FMN2: variants seen among roughly 807,000 people sequenced by gnomAD.
The protein encoded by FMN2 is formin-2.
FMN2 carries 51 observed loss-of-function variants against 142.3 expected under a neutral mutation model. The ratio of observed to expected loss-of-function variants is 0.36; its 90% confidence interval spans 0.29 to 0.45. The LOEUF (loss-of-function observed/expected upper bound fraction) is 0.45, where lower values mean the gene tolerates loss of function less well. FMN2 is among the 20% of genes least tolerant of loss of function. The pLI is 1.00. For missense variants in FMN2, 1,936 were observed against 2,122.8 expected (o/e 0.91, Z 1.73); for synonymous variants, 882 against 869.8 (o/e 1.01, Z -0.25).
rs1664994707 is a variant in FMN2 at position 240,178,023 on chromosome 1, T to C, written c.1885T>C (p.Ser629Pro). 1 of 1,611,614 alleles carries C rather than the reference T, an allele frequency of 6.2e-7. No individual in the cohort carries two copies. Among genetic ancestry groups the C allele is most frequent in the Non-Finnish European group, 8.5e-7 (1 of 1,179,114 alleles). ...PRRVPSMGPP[S>P]KPPDEEHRLE... ...GCGAGTTCCATCCATGGGGCCACCA[T>C]CCAAACCTCCCGATGAGGAACACAG... Residue 629 changes from serine (S) to proline (P), a missense_variant, in exon 3 of 18, where the codon TCC (serine) becomes CCC (proline). By Grantham distance (74) the Ser-to-Pro change is moderately conservative. Transcript: ENST00000319653.
chr1:240,180,495 A>G (rs1261963692), intron 3 of FMN2, among the ~76,000 whole-genome samples: 1 of 150,934 alleles, frequency 6.6e-6, no homozygotes, highest in East Asian at 2.0e-4. Flanking sequence ...ATCTATTTGT[A>G]GTTAACTGAT....
intron 2 of FMN2, among the ~76,000 whole-genome samples, chr1:240,133,475 C>A (rs1662821824): frequency 6.6e-6 from 1 of 152,146 alleles, no homozygotes. Flanking sequence ...CTGGCCATGT[C>A]ATTTTAATTG....
rs1052203806 is a variant in FMN2, at chr1:240,448,171, T to C, written c.5060+9961T>C. On this transcript the variant is annotated intron_variant, in intron 16 of 17. Coordinates refer to ENST00000319653, the MANE Select transcript of FMN2 (RefSeq NM_020066.5). ...AACAGAATTTGGGAGATAAATCTGC[T>C]GGAAAAAGCTATTAAAAAATTGCAC... 4.6e-5 allele frequency among the ~76,000 whole-genome samples: 7 copies of C among 152,258 alleles called. No individual in the cohort carries two copies. In the South Asian group the frequency reaches 8.3e-4, roughly 18 times the overall value.
At chr1:240,361,205 A>T (rs895739445) in intron 14 of FMN2, among the ~76,000 whole-genome samples, 2 of 147,194 alleles carry the variant, frequency 1.4e-5, no homozygotes, top group African/African-American at 4.9e-5. Context: ...AAAGAAGGAA[A>T]AAAACACGAC....
chr1:240,092,491 G>T lies in FMN2; in HGVS notation c.382G>T (p.Ala128Ser). 1.2e-6 allele frequency: 2 copies of T among 1,607,228 alleles called. No individual in the cohort carries two copies. The highest frequency in any genetic ancestry group is 1.3e-5 in the African/African-American group (1 of 74,910). The change falls in exon 1 of 18, where the codon GCC becomes TCC. Residue 128 changes from alanine (A) to serine (S), a missense_variant. By Grantham distance (99) the Ala-to-Ser change is moderately conservative. Coordinates refer to ENST00000319653, the MANE Select transcript of FMN2 (RefSeq NM_020066.5). ...TPDLSLSADE[A>S]GLSDTECADP... ...AGACCTCAGCCTCTCGGCGGACGAG[G>T]CCGGCCTGTCGGATACCGAGTGTGC...
chr1:240,337,629 A>C (rs1183972183), intron 13 of FMN2, among the ~76,000 whole-genome samples: 1 of 152,240 alleles, frequency 6.6e-6, no homozygotes, highest in Non-Finnish European at 1.5e-5. Flanking sequence ...GGCCATTCAT[A>C]ATAAGGTAAA....
At chr1:240,402,453 G>T (rs1674024166) in intron 15 of FMN2, among the ~76,000 whole-genome samples, 1 of 152,238 alleles carries the variant, frequency 6.6e-6, no homozygotes, top group African/African-American at 2.4e-5. Context: ...AAGTAAGGCG[G>T]CTGGGCAGAT....
intron 8 of FMN2, among the ~76,000 whole-genome samples, chr1:240,320,360 T>C (rs777981619): frequency 6.6e-6 from 1 of 152,216 alleles, no homozygotes; most frequent in Non-Finnish European, 1.5e-5. Flanking sequence ...ACTTTGCTCA[T>C]GTATTTGGCC....
chr1:240,432,560 G>A (rs115673232), intron 15 of FMN2, among the ~76,000 whole-genome samples: 87 of 151,758 alleles, frequency 5.7e-4, no homozygotes, highest in African/African-American at 2.0e-3. Context: ...CTCCTTTACA[G>A]TTTCTTGAGT....
At chr1:240,334,853 T>C (rs536495809) in intron 13 of FMN2, among the ~76,000 whole-genome samples, 1 of 152,320 alleles carries the variant, frequency 6.6e-6, no homozygotes, top group South Asian at 2.1e-4. Context: ...TCTTATTGAG[T>C]TGCGAACACC....
At chr1:240,307,193 G>A (rs1316662210) in intron 8 of FMN2, among the ~76,000 whole-genome samples, 1 of 152,010 alleles carries the variant, frequency 6.6e-6, no homozygotes, top group Non-Finnish European at 1.5e-5. Flanking sequence ...CATTCTGTTG[G>A]TTATCTGTTT....
intron 15 of FMN2, among the ~76,000 whole-genome samples, chr1:240,400,129 A>G (rs1469252580): frequency 6.6e-6 from 1 of 152,314 alleles, no homozygotes. Flanking sequence ...TAACAGAGAG[A>G]TCAAGGGAAG....
intron 2 of FMN2, among the ~76,000 whole-genome samples, chr1:240,141,097 C>T (rs552538468): frequency 6.6e-6 from 1 of 152,166 alleles, no homozygotes; most frequent in South Asian, 2.1e-4. Context: ...AGTTAATGGC[C>T]CTGTACATTT....
At chr1:240,464,065 T>G (rs80252359) in intron 16 of FMN2, among the ~76,000 whole-genome samples, 3,489 of 151,868 alleles carry the variant, frequency 0.023, 143 homozygotes, top group African/African-American at 0.08. Flanking sequence ...GTTAGCATGG[T>G]GAAGAGTAAA....
intron 2 of FMN2, among the ~76,000 whole-genome samples, chr1:240,154,999 C>G (rs570493391): frequency 7.9e-5 from 12 of 151,498 alleles, no homozygotes; most frequent in East Asian, 5.9e-4. Flanking sequence ...CAATCCCCCC[C>G]CCGACCTTGA....
At chr1:240,436,819 T>C (rs566104024) in intron 15 of FMN2, among the ~76,000 whole-genome samples, 20 of 152,364 alleles carry the variant, frequency 1.3e-4, no homozygotes, top group African/African-American at 4.8e-4. Context: ...TGTATATATA[T>C]ACTTTTGTCA....
At chr1:240,360,628 A>G (rs1672430111) in intron 14 of FMN2, among the ~76,000 whole-genome samples, 1 of 152,184 alleles carries the variant, frequency 6.6e-6, no homozygotes, top group Non-Finnish European at 1.5e-5. Context: ...GTGACTGTTA[A>G]TACTTGATTA....
At chr1:240,438,992 G>T (rs1200310738) in intron 16 of FMN2, among the ~76,000 whole-genome samples, 1 of 152,082 alleles carries the variant, frequency 6.6e-6, no homozygotes, top group Non-Finnish European at 1.5e-5. Flanking sequence ...CATCCTGTGA[G>T]CCAGGATCAG....
At chr1:240,101,994 G>C (rs1661432682) in intron 1 of FMN2, among the ~76,000 whole-genome samples, 1 of 152,002 alleles carries the variant, frequency 6.6e-6, no homozygotes, top group South Asian at 2.1e-4. Context: ...TGTAGGCTTT[G>C]AATTTTTCAT....
Sources: allele counts gnomAD v4.1 joint callset (sites outside exome capture counted in the v4.1 genomes callset), GRCh38; gene constraint gnomAD v4.1.1; transcripts MANE v1.5; gene names NCBI Gene and HGNC (gene_info 2026-07-23, HGNC 2026-07-21).